ADAMTS5: variants seen among roughly 807,000 people sequenced by gnomAD.
The protein encoded by ADAMTS5 is ADAM metallopeptidase with thrombospondin type 1 motif 5.
ADAMTS5 carries 54 observed loss-of-function variants against 81.4 expected under a neutral mutation model. That is an observed-to-expected ratio of 0.66 (90% CI 0.53 to 0.83). The LOEUF (loss-of-function observed/expected upper bound fraction) is 0.83, where lower values mean the gene tolerates loss of function less well. ADAMTS5 is among the 40% of genes least tolerant of loss of function. The probability of loss-of-function intolerance (pLI) is 0.00; values close to 1 mark genes in which losing one functional copy is unlikely to be tolerated. For missense variants in ADAMTS5, 1,194 were observed against 1,229.9 expected, an observed-to-expected ratio of 0.97 and a Z score of 0.44; for synonymous variants, 532 against 508.8, an observed-to-expected ratio of 1.05 and a Z score of -0.61.
In ADAMTS5 at chr21:26,943,453, G is replaced by C. The variant is rs754652321; in HGVS notation, c.1332C>G (p.Thr444=). The change falls in exon 3 of 8, where the codon ACC becomes ACG. Residue 444 remains threonine, a synonymous_variant. Transcript: ENST00000284987. ...ACCAGGGCTTAGATGCATCAATGCT[G>C]GTAAGGATGGAAGACATTAAGCGCT... ...EDKRLMSSIL[T]SIDASKPWSK... 5.0e-6 allele frequency: 8 copies of C among 1,613,512 alleles called. No homozygotes were observed. The highest frequency in any genetic ancestry group is 6.8e-6 in the Non-Finnish European group (8 of 1,179,718).
chr21:26,965,526 T>C lies in ADAMTS5; in HGVS notation c.866A>G (p.His289Arg). The change falls in exon 1 of 8, where the codon CAT (histidine) becomes CGT (arginine). Residue 289 changes from histidine (H) to arginine (R), a missense_variant. By Grantham distance (29) the His-to-Arg change is conservative (BLOSUM62 0). This residue lies in a region of ADAMTS5 where 696 missense variants were observed against 817.6 expected (regional missense o/e 0.85). Transcript: ENST00000284987. Reference sequence around the variant, plus strand: ...GATGGAGGCCAGGGTCAGCAGGTAATGCTGCAGGCCCCGGCCATACAACCG... The same window carrying C: ...GATGGAGGCCAGGGTCAGCAGGTAACGCTGCAGGCCCCGGCCATACAACCG... ...MARLYGRGLQ[H>R]YLLTLASIAN... 1 of 1,614,028 alleles carries C rather than the reference T, an allele frequency of 6.2e-7. No homozygotes were observed. Among genetic ancestry groups the C allele is most frequent in the East Asian group, 2.2e-5 (1 of 44,862 alleles).
At position 26,966,323 on chromosome 21, in the gene ADAMTS5, G is replaced by T. The variant is rs1241116388; in HGVS notation, c.69C>A (p.Ala23=). ...CGGCTTTATCCTGGGCAGGTGTCGCGGCGGGGCCGACCGCGGCCAGGGGCA... is the reference window on the plus strand; with the variant it reads ...CGGCTTTATCCTGGGCAGGTGTCGCTGCGGGGCCGACCGCGGCCAGGGGCA... ...FRLPLAAVGP[A]ATPAQDKAGQ... is the part of the protein sequence containing the mutation. Residue 23 remains alanine, a synonymous_variant, in exon 1 of 8, where the codon GCC becomes GCA. Coordinates refer to ENST00000284987, the MANE Select transcript of ADAMTS5 (RefSeq NM_007038.5). 6.6e-7 allele frequency: 1 copy of T among 1,511,812 alleles called. No homozygotes were observed. Among genetic ancestry groups the T allele is most frequent in the East Asian group, 2.6e-5 (1 of 38,646 alleles). 93.6% of individuals were successfully genotyped at this position (1,511,812 alleles called of 1,614,324 possible).
chr21:26,952,222 A>G (rs1390922799), intron 2 of ADAMTS5, among the ~76,000 whole-genome samples: 3 of 152,252 alleles, frequency 2.0e-5, no homozygotes, highest in Non-Finnish European at 4.4e-5. Flanking sequence ...ACAGAAGGGC[A>G]TAATCATATA....
rs1234558636 is a variant in ADAMTS5 at position 26,922,524 on chromosome 21, A to G, written c.*1529T>C. On this transcript the variant is annotated 3_prime_UTR_variant, in exon 8 of 8. Transcript: ENST00000284987. ...AAAATTGGCTTTGCAGTGTTTCACA[A>G]CAAAAGAAATCCCAAAGAAATCAAA... 1 of 152,090 alleles carries G rather than the reference A, an allele frequency of 6.6e-6. No homozygotes were observed. Among genetic ancestry groups the G allele is most frequent in the East Asian group, 1.9e-4 (1 of 5,192 alleles). 9.4% of individuals were successfully genotyped at this position (152,090 alleles called of 1,614,324 possible). A position where few individuals can be genotyped will look rare whatever the true frequency, so the allele number is the denominator to read the frequency against.
chr21:26,924,498 T>C lies in ADAMTS5; in HGVS notation c.2348A>G (p.Glu783Gly), dbSNP rs1186917680. The change falls in exon 8 of 8, where the codon GAG becomes GGG. Residue 783 changes from glutamate (E) to glycine (G), a missense_variant. Around this residue, in one of 2 missense-constraint regions of ADAMTS5, gnomAD observed 696 missense variants for 817.6 expected, o/e 0.85. Transcript: ENST00000284987. ...AYLALKKKNGEYLINGKYMIS... is the reference protein window; with the variant it reads ...AYLALKKKNGGYLINGKYMIS... ...CATGTACTTTCCATTGATAAGGTACTCACCGTTTTTCTTTTTCAGGGCTAA... is the reference window on the plus strand; with the variant it reads ...CATGTACTTTCCATTGATAAGGTACCCACCGTTTTTCTTTTTCAGGGCTAA... The C allele has an allele frequency of 1.2e-6, 2 of 1,614,200 alleles. No individual in the cohort carries two copies. Among genetic ancestry groups the C allele is most frequent in the African/African-American group, 1.3e-5 (1 of 75,056 alleles).
Position 26,921,130 on chromosome 21 carries a change from G to A in ADAMTS5, c.*2923C>T, listed in dbSNP as rs1986686104. 2.0e-5 allele frequency: 3 copies of A among 152,278 alleles called. No individual in the cohort carries two copies. Among genetic ancestry groups the A allele is most frequent in the Admixed American group, 2.0e-4 (3 of 15,254 alleles). The allele number at this position is 152,278 out of a possible 1,614,324, so 9.4% of individuals were successfully genotyped here. ...TTTTATCACACAAATTCACATACCA[G>A]TTGCAAAAACAATAAATTACTTTTT... On this transcript the variant is annotated 3_prime_UTR_variant, in exon 8 of 8. Transcript: ENST00000284987.
At chr21:26,944,475 G>A (rs1174079882) in intron 2 of ADAMTS5, among the ~76,000 whole-genome samples, 2 of 152,106 alleles carry the variant, frequency 1.3e-5, no homozygotes, top group Non-Finnish European at 2.9e-5. Context: ...TATTACATAA[G>A]ATCAATTTTC....
At chr21:26,959,666 G>A (rs942862217) in intron 1 of ADAMTS5, among the ~76,000 whole-genome samples, 2 of 152,098 alleles carry the variant, frequency 1.3e-5, no homozygotes, top group Admixed American at 6.5e-5. Flanking sequence ...CTAAATATAT[G>A]AAATACACTG....
intron 1 of ADAMTS5, among the ~76,000 whole-genome samples, chr21:26,956,919 CTTTTGCCACGGAAATGTGACAAAA>C (rs933940662): frequency 1.3e-5 from 2 of 152,150 alleles, no homozygotes; most frequent in Non-Finnish European, 2.9e-5. Context: ...TGCATTTGGC[CTTTTGCCACGGAAATGTGACAAAA>C]TTATGAACAG....
chr21:26,966,203 G>T lies in ADAMTS5; in HGVS notation c.189C>A (p.Pro63=), dbSNP rs780087867. 13 of 1,597,312 alleles carry T rather than the reference G, an allele frequency of 8.1e-6. No homozygotes were observed. The East Asian group carries it at 2.9e-4, about 36-fold the overall frequency. The part of the protein sequence containing the change: ...ERAEPPGHPH[P]LAQRRRSKGL... The stretch of plus-strand genomic sequence containing the variant: ...CCTTGCTCCTGCGCCGCTGCGCCAG[G>T]GGGTGCGGGTGGCCGGGAGGCTCGG... The change falls in exon 1 of 8, where the codon CCC becomes CCA. Residue 63 remains proline, a synonymous_variant. Transcript: ENST00000284987.
chr21:26,934,331 G>A (rs1226333686), intron 4 of ADAMTS5, 135 bp downstream of exon 4: 3 of 1,155,684 alleles, frequency 2.6e-6, no homozygotes, highest in East Asian at 5.1e-5. Flanking sequence ...AAAAGAAGAA[G>A]CTCTAAATAA....
At chr21:26,960,997 C>A (rs1033725618) in intron 1 of ADAMTS5, among the ~76,000 whole-genome samples, 3 of 152,184 alleles carry the variant, frequency 2.0e-5, no homozygotes, top group Admixed American at 2.0e-4. Context: ...CAGCAATGAC[C>A]ATTTCCCTGT....
In ADAMTS5 at chr21:26,966,313, C is replaced by A; in HGVS notation, c.79G>T (p.Ala27Ser). 1 of 1,521,280 alleles carries A rather than the reference C, an allele frequency of 6.6e-7. No individual in the cohort carries two copies. Among genetic ancestry groups the A allele is most frequent in the South Asian group, 1.2e-5 (1 of 82,276 alleles). 94.2% of individuals were successfully genotyped at this position (1,521,280 alleles called of 1,614,324 possible). A position where few individuals can be genotyped will look rare whatever the true frequency, so the allele number is the denominator to read the frequency against. ...GGAGGCTGCCCGGCTTTATCCTGGG[C>A]AGGTGTCGCGGCGGGGCCGACCGCG... ...LAAVGPAATPAQDKAGQPPTA... is the reference protein window; with the variant it reads ...LAAVGPAATPSQDKAGQPPTA... The change falls in exon 1 of 8, where the codon GCC (alanine) becomes TCC (serine). Residue 27 changes from alanine (A) to serine (S), a missense_variant. Transcript: ENST00000284987.
At chr21:26,948,619 A>G (rs1019517817) in intron 2 of ADAMTS5, among the ~76,000 whole-genome samples, 1 of 152,204 alleles carries the variant, frequency 6.6e-6, no homozygotes, top group Non-Finnish European at 1.5e-5. Context: ...TCAAACACGA[A>G]TCTTTACATA....
intron 2 of ADAMTS5, among the ~76,000 whole-genome samples, chr21:26,952,382 G>T (rs538921461): frequency 1.3e-5 from 2 of 152,174 alleles, no homozygotes; most frequent in African/African-American, 2.4e-5. Flanking sequence ...TTAATATAAC[G>T]TTTGTGCTTA....
At chr21:26,933,539 C>A (rs1410794976) in intron 4 of ADAMTS5, among the ~76,000 whole-genome samples, 6 of 152,210 alleles carry the variant, frequency 3.9e-5, no homozygotes, top group Non-Finnish European at 5.9e-5. Flanking sequence ...CTGTGACCGA[C>A]TCCATGACGT....
At chr21:26,944,674 C>T (rs1233085486) in intron 2 of ADAMTS5, among the ~76,000 whole-genome samples, 1 of 152,134 alleles carries the variant, frequency 6.6e-6, no homozygotes, top group Non-Finnish European at 1.5e-5. Context: ...CTGTAGCAAA[C>T]TGATGACTAC....
chr21:26,964,702 CAAGGTGG>C (rs1469054058), intron 1 of ADAMTS5, among the ~76,000 whole-genome samples: 1 of 152,138 alleles, frequency 6.6e-6, no homozygotes, highest in Non-Finnish European at 1.5e-5. Context: ...ACTGAGATTC[CAAGGTGG>C]ACATGTAAGA....
rs1986692885 is a variant in ADAMTS5, at chr21:26,921,394, G to C, written c.*2659C>G. 1.3e-5 allele frequency: 2 copies of C among 148,326 alleles called. No individual in the cohort carries two copies. Among genetic ancestry groups the C allele is most frequent in the Admixed American group, 6.8e-5 (1 of 14,804 alleles). The allele number at this position is 148,326 out of a possible 1,614,324, so 9.2% of individuals were successfully genotyped here. ...AATAAAACTTATTATGGAGTGCTTA[G>C]TTATGTAAGTGAGATTAGATTCTTA... On this transcript the variant is annotated 3_prime_UTR_variant, in exon 8 of 8. Transcript: ENST00000284987.
Sources: gnomAD v4.1 joint callset for allele counts (sites outside exome capture counted in the v4.1 genomes callset) on GRCh38, gnomAD v4.1.1 for gene constraint, gnomAD v4.1.1 regional missense constraint, MANE v1.5 for transcripts, NCBI Gene and HGNC (gene_info 2026-07-23, HGNC 2026-07-21) for gene names.